Variants in MTSS1 observed in about 807,000 individuals in gnomAD.
The protein encoded by MTSS1 is MTSS I-BAR domain containing 1, also known as protein MTSS 1.
MTSS1 carries 18 observed loss-of-function variants against 79.0 expected under a neutral mutation model. The ratio of observed to expected loss-of-function variants is 0.23; its 90% CI spans 0.16 to 0.34. The LOEUF is 0.34. Ranked by LOEUF, MTSS1 falls within the 10% of genes least tolerant of loss-of-function variation. The probability of loss-of-function intolerance (pLI) is 1.00; values close to 1 mark genes in which losing one functional copy is unlikely to be tolerated. For synonymous variants in MTSS1, 341 were observed against 368.6 expected (o/e 0.93, Z 0.86); for missense variants, 815 against 986.2 (o/e 0.83, Z 2.33).
At chr8:124,638,864 C>A (rs1817509170) in intron 3 of MTSS1, among the ~76,000 whole-genome samples, 1 of 152,110 alleles carries the variant, frequency 6.6e-6, no homozygotes, top group Non-Finnish European at 1.5e-5. Context: ...TACAAGCAAA[C>A]AAATATCATT....
chr8:124,633,227 G>A (rs1188354409), intron 3 of MTSS1, among the ~76,000 whole-genome samples: 1 of 152,032 alleles, frequency 6.6e-6, no homozygotes, highest in Non-Finnish European at 1.5e-5. Flanking sequence ...CCAGCCAAAG[G>A]GTTGTTGTCA....
chr8:124,554,762 T>C (rs1414840174), intron 13 of MTSS1, among the ~76,000 whole-genome samples: 1 of 152,126 alleles, frequency 6.6e-6, no homozygotes, highest in Non-Finnish European at 1.5e-5. Context: ...AAAATAGGGG[T>C]GAAAATACCT....
intron 3 of MTSS1, among the ~76,000 whole-genome samples, chr8:124,650,992 C>G (rs911782531): frequency 1.4e-4 from 22 of 152,308 alleles, no homozygotes; most frequent in African/African-American, 4.6e-4. Context: ...GTTGTGAGAC[C>G]TAAATAACTT....
chr8:124,727,878 T>C lies in MTSS1; in HGVS notation c.72+6A>G, dbSNP rs775135598. On this transcript the variant is annotated splice_donor_region_variant and intron_variant, in intron 1 of 13. Transcript: ENST00000518547. This position sits in a 1 kb window ranked among gnomAD's most constrained non-coding sequence, Gnocchi z 4.7. ...CGGCGCCGCAGCCGCACCCCCGGCGTCCTACCTTCATGTCGCTGATGATGG... is the reference window on the plus strand; with the variant it reads ...CGGCGCCGCAGCCGCACCCCCGGCGCCCTACCTTCATGTCGCTGATGATGG... The C allele has an allele frequency of 3.8e-5, 61 of 1,591,692 alleles. 2 individuals are homozygous for C. In the South Asian group the frequency reaches 5.8e-4, roughly 15 times the overall value.
At chr8:124,668,223 C>T (rs543123340) in intron 3 of MTSS1, among the ~76,000 whole-genome samples, 5 of 152,280 alleles carry the variant, frequency 3.3e-5, no homozygotes, top group South Asian at 2.1e-4. Context: ...GGTGGTGATT[C>T]GCTTTTTGTT....
At chr8:124,716,335 G>A (rs1319314225) in intron 1 of MTSS1, among the ~76,000 whole-genome samples, 1 of 152,234 alleles carries the variant, frequency 6.6e-6, no homozygotes, top group African/African-American at 2.4e-5. Context: ...ATGAAAGGAA[G>A]TCGAGATCAT....
chr8:124,562,445 A>G (rs888818324), intron 10 of MTSS1, among the ~76,000 whole-genome samples: 1 of 152,192 alleles, frequency 6.6e-6, no homozygotes, highest in Non-Finnish European at 1.5e-5. Flanking sequence ...CCATTGTGCA[A>G]TGCCCTTTAA....
intron 3 of MTSS1, among the ~76,000 whole-genome samples, chr8:124,676,875 G>A (rs1825386999): frequency 6.6e-6 from 1 of 152,148 alleles, no homozygotes; most frequent in African/African-American, 2.4e-5. Context: ...AACACACGCT[G>A]ATGAAAAGGA....
intron 3 of MTSS1, chr8:124,619,544 A>C (rs1391409751): frequency 6.6e-6 from 1 of 152,320 alleles, no homozygotes; most frequent in African/African-American, 2.4e-5. Context: ...CACTCAAAAA[A>C]TACCGCTGAA....
chr8:124,650,030 CTTT>C (rs747765543), intron 3 of MTSS1, among the ~76,000 whole-genome samples: 1 of 143,126 alleles, frequency 7.0e-6, no homozygotes, highest in Admixed American at 7.0e-5. Context: ...GCTGAAGAGC[CTTT>C]TTTTTTTTTT....
chr8:124,722,811 G>A (rs1833140503), intron 1 of MTSS1, among the ~76,000 whole-genome samples: 1 of 152,110 alleles, frequency 6.6e-6, no homozygotes, highest in African/African-American at 2.4e-5. Context: ...TGGGTTTTTG[G>A]GGTAAGTGTC....
chr8:124,658,253 G>A (rs2134312807), intron 3 of MTSS1, among the ~76,000 whole-genome samples: 1 of 152,248 alleles, frequency 6.6e-6, no homozygotes, highest in East Asian at 1.9e-4. Context: ...CTGAATCATG[G>A]GGGTGGTTTC....
At chr8:124,717,800 T>C (rs1390975310) in intron 1 of MTSS1, among the ~76,000 whole-genome samples, 1 of 152,208 alleles carries the variant, frequency 6.6e-6, no homozygotes, top group Non-Finnish European at 1.5e-5. Flanking sequence ...ATTCCATGTG[T>C]CTCCTTCAAC....
intron 3 of MTSS1, among the ~76,000 whole-genome samples, chr8:124,678,914 C>T (rs16899960): frequency 0.16 from 24,450 of 152,230 alleles, 2,180 homozygotes; most frequent in East Asian, 0.38. Flanking sequence ...CATGCTCCTT[C>T]GACTATAAAA....
intron 1 of MTSS1, among the ~76,000 whole-genome samples, chr8:124,721,470 C>G (rs541167119): frequency 1.8e-4 from 24 of 135,892 alleles, no homozygotes; most frequent in African/African-American, 6.5e-4. Flanking sequence ...AGTGCAGTGG[C>G]GTGATCTCAG....
intron 3 of MTSS1, among the ~76,000 whole-genome samples, chr8:124,698,514 T>C (rs1829221771): frequency 6.7e-6 from 1 of 149,188 alleles, no homozygotes; most frequent in Non-Finnish European, 1.5e-5. Context: ...TTCTTTTTTT[T>C]TTTTTTTTTT....
At chr8:124,696,123 G>C (rs1470144640) in intron 3 of MTSS1, among the ~76,000 whole-genome samples, 1 of 151,964 alleles carries the variant, frequency 6.6e-6, no homozygotes, top group Non-Finnish European at 1.5e-5. Flanking sequence ...AAGTAGCTGG[G>C]ATTACAGGTG....
At chr8:124,600,106 T>C (rs1221577902) in intron 3 of MTSS1, among the ~76,000 whole-genome samples, 1 of 151,896 alleles carries the variant, frequency 6.6e-6, no homozygotes, top group Non-Finnish European at 1.5e-5. Flanking sequence ...CTTTGTTGCA[T>C]AAATCACACC....
At chr8:124,714,909 A>T (rs758213470) in intron 1 of MTSS1, among the ~76,000 whole-genome samples, 1 of 152,178 alleles carries the variant, frequency 6.6e-6, no homozygotes, top group Non-Finnish European at 1.5e-5. Context: ...TATAAGCTTA[A>T]TCCTCCCCAG....
Sources: allele counts gnomAD v4.1 joint callset (sites outside exome capture counted in the v4.1 genomes callset), GRCh38; gene constraint gnomAD v4.1.1; non-coding constraint Gnocchi (gnomAD v3.1); transcripts MANE v1.5; gene names NCBI Gene and HGNC (gene_info 2026-07-23, HGNC 2026-07-21).